Variants in DLGAP2 observed in about 807,000 individuals in gnomAD.
DLGAP2 encodes DLG associated protein 2, also known as disks large-associated protein 2.
Under a neutral mutation model 100.3 loss-of-function variants are expected in DLGAP2, and 26 were observed. The observed-to-expected ratio is 0.26, with a 90% confidence interval of 0.19 to 0.36. The LOEUF is 0.36. Ranked by LOEUF, DLGAP2 falls within the 10% of genes least tolerant of loss-of-function variation. The pLI, the probability that DLGAP2 is intolerant of heterozygous loss-of-function variation, is 1.00. For synonymous variants in DLGAP2, 886 were observed against 630.1 expected (o/e 1.41, Z -6.08); for missense variants, 1,858 against 1,453.2 (o/e 1.28, Z -4.53).
intron 2 of DLGAP2, among the ~76,000 whole-genome samples, chr8:1,116,585 C>T (rs1805124679): frequency 1.3e-5 from 2 of 152,060 alleles, no homozygotes; most frequent in Admixed American, 6.6e-5. Context: ...TGCCTGACCC[C>T]AGGCATTTGA....
At chr8:1,381,758 C>T (rs10086819) in intron 3 of DLGAP2, among the ~76,000 whole-genome samples, 18,459 of 149,024 alleles carry the variant, frequency 0.12, 1,646 homozygotes, top group East Asian at 0.24. Flanking sequence ...GATTTTCTTC[C>T]TTAGTAAATC....
chr8:1,330,764 ATCGGGACCGAGTTCTGGGTGGGAG>A (rs1801137121), intron 3 of DLGAP2, among the ~76,000 whole-genome samples: 1 of 126,222 alleles, frequency 7.9e-6, no homozygotes, highest in African/African-American at 3.3e-5. Flanking sequence ...GCACCGCTTC[ATCGGGACCGAGTTCTGGGTGGGAG>A]CACTGCTTCA....
chr8:1,330,651 A>T lies in DLGAP2; in HGVS notation c.106+71768A>T, dbSNP rs1236939229. Among the ~76,000 whole-genome samples the T allele has an allele frequency of 2.9e-5, 4 of 137,600 alleles. No homozygotes were observed. In the Admixed American group the frequency reaches 2.9e-4, roughly 10 times the overall value. The allele number at this position is 137,600 out of a possible 152,430, so 90.3% of individuals were successfully genotyped here. A position where few individuals can be genotyped will look rare whatever the true frequency, so the allele number is the denominator to read the frequency against. ...TCACGGGGACCGAGTTCTGGGTGGG[A>T]CTGAGTTCTGGGTGGGAGCACCGCT... On this transcript the variant is annotated intron_variant, in intron 3 of 14. Coordinates refer to ENST00000637795, the MANE Select transcript of DLGAP2 (RefSeq NM_001346810.2).
At chr8:1,447,077 C>G (rs866090629) in intron 3 of DLGAP2, among the ~76,000 whole-genome samples, 4 of 152,176 alleles carry the variant, frequency 2.6e-5, no homozygotes, top group Non-Finnish European at 4.4e-5. Context: ...AATTGAATAC[C>G]CTTTATTTCC....
chr8:989,047 G>A (rs959754626), intron 2 of DLGAP2, among the ~76,000 whole-genome samples: 2 of 152,312 alleles, frequency 1.3e-5, no homozygotes, highest in African/African-American at 4.8e-5. Flanking sequence ...GGGCTCTCCA[G>A]GTTGGCCAGG....
intron 2 of DLGAP2, among the ~76,000 whole-genome samples, chr8:1,202,009 A>C (rs936478464): frequency 6.6e-6 from 1 of 151,324 alleles, no homozygotes; most frequent in Non-Finnish European, 1.5e-5. Flanking sequence ...GTGTGTATAC[A>C]CATGTGTCTA....
At chr8:1,485,763 G>C (rs1799220630) in intron 3 of DLGAP2, among the ~76,000 whole-genome samples, 1 of 152,228 alleles carries the variant, frequency 6.6e-6, no homozygotes, top group Non-Finnish European at 1.5e-5. Context: ...GGTGGCTCAT[G>C]CTTGTAATCC....
chr8:1,328,048 G>GT lies in DLGAP2; in HGVS notation c.106+69173dup, dbSNP rs557898489. On this transcript the variant is annotated intron_variant, in intron 3 of 14. Coordinates refer to ENST00000637795, the MANE Select transcript of DLGAP2 (RefSeq NM_001346810.2). ...CTGTAACAAGGGCCTTTTTATAGTT[G>GT]TTTTTTTTGGAGACAGAGTCTCACT... Among the ~76,000 whole-genome samples, 16 of 151,154 alleles carry GT rather than the reference G, an allele frequency of 1.1e-4. No homozygotes were observed. In the East Asian group the frequency reaches 1.6e-3, roughly 15 times the overall value.
Position 1,604,124 on chromosome 8 carries a change from T to A in DLGAP2, c.1443-22616T>A, listed in dbSNP as rs76376834. ...AGATGAATGACCCTTCTTCATTTTG[T>A]GGACACTGCAGACACTGTTCACATA... is the stretch of plus-strand genomic sequence containing the variant. On this transcript the variant is annotated intron_variant, in intron 6 of 14. Coordinates refer to ENST00000637795, the MANE Select transcript of DLGAP2 (RefSeq NM_001346810.2). 9.1e-3 allele frequency among the ~76,000 whole-genome samples: 1,390 copies of A among 152,292 alleles called. 24 individuals are homozygous for A. Among genetic ancestry groups the A allele is most frequent in the African/African-American group, 0.032 (1,318 of 41,566 alleles).
intron 3 of DLGAP2, among the ~76,000 whole-genome samples, chr8:1,281,582 A>G (rs1799814433): frequency 6.6e-6 from 1 of 152,152 alleles, no homozygotes; most frequent in Non-Finnish European, 1.5e-5. Flanking sequence ...CCCAGGGTTG[A>G]CCAGTTTTGA....
chr8:1,244,920 A>T (rs995951686), intron 2 of DLGAP2, among the ~76,000 whole-genome samples: 2 of 152,256 alleles, frequency 1.3e-5, no homozygotes, highest in Non-Finnish European at 2.9e-5. Context: ...CCTAAAGCAC[A>T]TAAAAAGACA....
intron 3 of DLGAP2, among the ~76,000 whole-genome samples, chr8:1,431,801 G>A (rs1260147709): frequency 6.6e-6 from 1 of 152,224 alleles, no homozygotes; most frequent in African/African-American, 2.4e-5. Flanking sequence ...ACTGATGCGT[G>A]CATGACAGGG....
chr8:1,577,752 C>A (rs951730065), intron 6 of DLGAP2, among the ~76,000 whole-genome samples: 1 of 151,934 alleles, frequency 6.6e-6, no homozygotes, highest in Non-Finnish European at 1.5e-5. Flanking sequence ...CCTGCAGGAC[C>A]CAGGAAGGAG....
At chr8:1,264,936 C>T (rs1799422623) in intron 3 of DLGAP2, among the ~76,000 whole-genome samples, 1 of 152,146 alleles carries the variant, frequency 6.6e-6, no homozygotes, top group East Asian at 1.9e-4. Context: ...GGCAGTTCCC[C>T]TGCACATGGT....
intron 2 of DLGAP2, among the ~76,000 whole-genome samples, chr8:1,116,892 G>A (rs182679685): frequency 6.1e-4 from 93 of 152,334 alleles, no homozygotes; most frequent in Admixed American, 8.5e-4. Context: ...TCTGAACACA[G>A]TTGATGGGAA....
chr8:1,128,786 G>A (rs1796227192), intron 2 of DLGAP2, among the ~76,000 whole-genome samples: 1 of 152,188 alleles, frequency 6.6e-6, no homozygotes, highest in East Asian at 1.9e-4. Context: ...TATCCAACAT[G>A]CAAATCAGTC....
intron 2 of DLGAP2, among the ~76,000 whole-genome samples, chr8:983,117 C>A (rs1277214952): frequency 6.6e-6 from 1 of 152,184 alleles, no homozygotes. Context: ...ACTAGCCGGC[C>A]TTGGTCCACA....
At chr8:1,651,899 T>C (rs1043913930) in intron 8 of DLGAP2, among the ~76,000 whole-genome samples, 1 of 152,154 alleles carries the variant, frequency 6.6e-6, no homozygotes, top group Non-Finnish European at 1.5e-5. Context: ...TGGTCAGACA[T>C]TCCTCAGCGC....
rs138802105 is a variant in DLGAP2 at position 1,586,042 on chromosome 8, C to T, written c.1442+20148C>T. Among the ~76,000 whole-genome samples the T allele has an allele frequency of 6.2e-4, 94 of 152,306 alleles. 2 individuals carry two copies. In the East Asian group the frequency reaches 0.016, roughly 25 times the overall value. Reference sequence around the variant, plus strand: ...TCTCCCAAATATTTTGTTAGTTTTCCGTTGCTGTCATAAAAACTGCCACAA... The same window carrying T: ...TCTCCCAAATATTTTGTTAGTTTTCTGTTGCTGTCATAAAAACTGCCACAA... On this transcript the variant is annotated intron_variant, in intron 6 of 14. Transcript: ENST00000637795.
Sources: allele counts gnomAD v4.1 joint callset (sites outside exome capture counted in the v4.1 genomes callset), GRCh38; gene constraint gnomAD v4.1.1; transcripts MANE v1.5; gene names NCBI Gene and HGNC (gene_info 2026-07-23, HGNC 2026-07-21).